Variants in ZNF688 observed in about 807,000 individuals in gnomAD.
The protein encoded by ZNF688 is zinc finger protein 688.
In ZNF688, 10 loss-of-function variants were observed where a neutral mutation model predicts 13.2. That is an observed-to-expected ratio of 0.76 (90% CI 0.47 to 1.28). The LOEUF (loss-of-function observed/expected upper bound fraction) is 1.28. Ranked by LOEUF, ZNF688 falls within the 50% of genes most tolerant of loss-of-function variation. ZNF688 has a pLI of 0.00. For synonymous variants in ZNF688, 160 were observed against 159.4 expected (o/e 1.00, Z -0.03); for missense variants, 381 against 391.4 (o/e 0.97, Z 0.22).
Position 30,571,049 on chromosome 16 carries a change from C to A in ZNF688, c.271G>T (p.Asp91Tyr). The A allele has an allele frequency of 3.1e-6, 5 of 1,612,094 alleles. No homozygotes were observed. The highest frequency in any genetic ancestry group is 1.1e-5 in the South Asian group (1 of 90,930). ...CCCAGTCTTTCCCCCTTCTCAGGATCCTGGGCGGCGGGGCTCCAAGCCTCA... is the reference window on the plus strand; with the variant it reads ...CCCAGTCTTTCCCCCTTCTCAGGATACTGGGCGGCGGGGCTCCAAGCCTCA... ...ESEAWSPAAQ[D>Y]PEKGERLGGA... Residue 91 changes from aspartate (D) to tyrosine (Y), a missense_variant, in exon 2 of 3, where the codon GAT becomes TAT. Physicochemically the swap from Asp to Tyr is radical, Grantham distance 160. Coordinates refer to ENST00000223459, the MANE Select transcript of ZNF688 (RefSeq NM_145271.4).
At chr16:30,575,469 C>T (rs1307843294), upstream of ZNF688, among the ~76,000 whole-genome samples, 2 of 152,034 alleles carry the variant, frequency 1.3e-5, no homozygotes, top group Non-Finnish European at 2.9e-5. Context: ...CTATTGTGAA[C>T]TTCTGACCTC....
At chr16:30,570,700 A>G (rs1285773071) in intron 2 of ZNF688, 2 of 391,976 alleles carry the variant, frequency 5.1e-6, no homozygotes, top group Non-Finnish European at 8.9e-6. Flanking sequence ...AGCACTTAGG[A>G]AGTGCTCAGG....
At chr16:30,572,651 A>T (rs1354556864), upstream of ZNF688, 1 of 167,424 alleles carries the variant, frequency 6.0e-6, no homozygotes, top group Non-Finnish European at 1.3e-5. Context: ...AGCTCACTGC[A>T]GACTCGACCT....
upstream of ZNF688, chr16:30,571,773 G>A: frequency 7.5e-7 from 1 of 1,329,668 alleles, no homozygotes; most frequent in Non-Finnish European, 9.5e-7. Context: ...CGAAGTAGCA[G>A]GGACTGGCTG....
upstream of ZNF688, among the ~76,000 whole-genome samples, chr16:30,577,209 G>A (rs1221430241): frequency 6.6e-6 from 1 of 152,144 alleles, no homozygotes; most frequent in African/African-American, 2.4e-5. Flanking sequence ...TAAGACTACA[G>A]GTGAGTGGCT....
intron 2 of ZNF688, 63 bp downstream of exon 2, chr16:30,570,947 A>C: frequency 6.4e-7 from 1 of 1,564,214 alleles, no homozygotes; most frequent in Non-Finnish European, 8.8e-7. Context: ...GGGCCTGAAA[A>C]GAAACTCTGC....
rs374380099 is a variant in ZNF688, at chr16:30,570,175, C to T, written c.572G>A (p.Arg191His). 1 of 1,610,028 alleles carries T rather than the reference C, an allele frequency of 6.2e-7. No individual in the cohort carries two copies. Among genetic ancestry groups the T allele is most frequent in the Non-Finnish European group, 8.5e-7 (1 of 1,178,088 alleles). ...RRHVCTDCGR[R>H]FTYPSLLVSH... ...GACCAGCAGTGAGGGGTAGGTGAAG[C>T]GGCGGCCGCAGTCCGTGCACACGTG... is the stretch of plus-strand genomic sequence containing the variant. Residue 191 changes from arginine (R) to histidine (H), a missense_variant, in exon 3 of 3, where the codon CGC becomes CAC. Physicochemically the swap from Arg to His is conservative, Grantham distance 29 (BLOSUM62 0). Coordinates refer to ENST00000223459, the MANE Select transcript of ZNF688 (RefSeq NM_145271.4).
At chr16:30,577,043 G>T (rs1453096548), upstream of ZNF688, among the ~76,000 whole-genome samples, 1 of 152,006 alleles carries the variant, frequency 6.6e-6, no homozygotes, top group African/African-American at 2.4e-5. Context: ...TAGGATTACA[G>T]GTGTGGACCA....
chr16:30,572,124 C>T (rs573665814), upstream of ZNF688: 5 of 1,596,880 alleles, frequency 3.1e-6, no homozygotes, highest in Admixed American at 1.7e-5. Flanking sequence ...TCACTTACCC[C>T]TCTGTACCCG....
At chr16:30,574,432 G>A (rs1298698922), upstream of ZNF688, among the ~76,000 whole-genome samples, 1 of 151,766 alleles carries the variant, frequency 6.6e-6, no homozygotes, top group Non-Finnish European at 1.5e-5. Context: ...TGTAGTCCCA[G>A]CTACTCAGGA....
At chr16:30,571,737 T>C (rs910018095), upstream of ZNF688, 2 of 1,339,548 alleles carry the variant, frequency 1.5e-6, no homozygotes, top group South Asian at 2.0e-5. Context: ...CGCCCAGCCG[T>C]GGCGTCCGAA....
At chr16:30,570,746 T>TTTA (rs1369321345) in intron 2 of ZNF688, 9 of 314,268 alleles carry the variant, frequency 2.9e-5, no homozygotes, top group African/African-American at 2.0e-4. Flanking sequence ...TATTTATTTA[T>TTTA]TTATTTATTT....
upstream of ZNF688, chr16:30,573,865 G>A: frequency 2.6e-6 from 1 of 387,318 alleles, no homozygotes; most frequent in Non-Finnish European, 5.2e-6. Context: ...TTCTGGAACT[G>A]CCTCACTGCA....
chr16:30,572,185 T>G, upstream of ZNF688: 2 of 1,607,138 alleles, frequency 1.2e-6, no homozygotes, highest in Admixed American at 1.7e-5. Context: ...AGCTGCGCGG[T>G]GATTGGCCTG....
At chr16:30,573,772 C>CT, upstream of ZNF688, 1 of 228,192 alleles carries the variant, frequency 4.4e-6, no homozygotes, top group South Asian at 4.8e-5. Context: ...TCCTGCTGAT[C>CT]TCATATGCAT....
chr16:30,569,867 G>A lies in ZNF688; in HGVS notation c.*49C>T. 6.7e-7 allele frequency: 1 copy of A among 1,500,374 alleles called. No individual in the cohort carries two copies. The allele number at this position is 1,500,374 out of a possible 1,614,324, so 92.9% of individuals were successfully genotyped here. On this transcript the variant is annotated 3_prime_UTR_variant, in exon 3 of 3. Transcript: ENST00000223459. ...ACTCAGTGGCCCACCTCAGGGATCC[G>A]TCAGTCCTTCGTGCCAAGGTCAGGC...
chr16:30,569,912 C>T lies in ZNF688; in HGVS notation c.*4G>A. 1 of 1,526,792 alleles carries T rather than the reference C, an allele frequency of 6.5e-7. No individual in the cohort carries two copies. Among genetic ancestry groups the T allele is most frequent in the Non-Finnish European group, 8.8e-7 (1 of 1,137,450 alleles). The allele number at this position is 1,526,792 out of a possible 1,614,324, so 94.6% of individuals were successfully genotyped here. A position where few individuals can be genotyped will look rare whatever the true frequency, so the allele number is the denominator to read the frequency against. ...TCAGGCTCAACTCCAGCCTGCGGTG[C>T]CGCTCAGCCGCACTCCTCGAAGATG... On this transcript the variant is annotated 3_prime_UTR_variant, in exon 3 of 3. Coordinates refer to ENST00000223459, the MANE Select transcript of ZNF688 (RefSeq NM_145271.4).
chr16:30,574,909 T>C (rs2051732360), upstream of ZNF688, among the ~76,000 whole-genome samples: 1 of 152,122 alleles, frequency 6.6e-6, no homozygotes, highest in African/African-American at 2.4e-5. Flanking sequence ...TTCTACTCTC[T>C]ACCTCCATGA....
chr16:30,572,204 G>A (rs2051698033), upstream of ZNF688: 1 of 1,605,606 alleles, frequency 6.2e-7, no homozygotes, highest in Non-Finnish European at 8.5e-7. Context: ...TGGGACTGGC[G>A]GGGCATTTGA....
Sources: allele counts gnomAD v4.1 joint callset (sites outside exome capture counted in the v4.1 genomes callset), GRCh38; gene constraint gnomAD v4.1.1; transcripts MANE v1.5; gene names NCBI Gene and HGNC (gene_info 2026-07-23, HGNC 2026-07-21).